Variants in PLEKHG7 observed in about 807,000 individuals in gnomAD.
The protein encoded by PLEKHG7 is pleckstrin homology and RhoGEF domain containing G7.
Under a neutral mutation model 85.2 loss-of-function variants are expected in PLEKHG7, and 77 were observed. The ratio of observed to expected loss-of-function variants is 0.90; its 90% CI spans 0.75 to 1.09. The LOEUF is 1.09. Ranked by LOEUF, PLEKHG7 falls within the 50% of genes least tolerant of loss-of-function variation. PLEKHG7 has a pLI of 0.00. For synonymous variants in PLEKHG7, 301 were observed against 302.4 expected (o/e 1.00, Z 0.05); for missense variants, 777 against 804.3 (o/e 0.97, Z 0.41).
intron 4 of PLEKHG7, among the ~76,000 whole-genome samples, chr12:92,730,764 T>C (rs964821609): frequency 2.0e-5 from 3 of 152,248 alleles, no homozygotes; most frequent in Admixed American, 6.5e-5. Flanking sequence ...TGATGCCGGC[T>C]ACAGTTTGAG....
Position 92,740,922 on chromosome 12 carries a change from T to C in PLEKHG7, c.1009T>C (p.Phe337Leu). ...CCTAGATGTGGATTTATGGAGACTTTTTGCAAACCTGGAGGAGTTAACTCA... is the reference window on the plus strand; with the variant it reads ...CCTAGATGTGGATTTATGGAGACTTCTTGCAAACCTGGAGGAGTTAACTCA... ...YLLDVDLWRL[F>L]ANLEELTQTS... is the part of the protein sequence containing the mutation. The change falls in exon 8 of 17, where the codon TTT (phenylalanine) becomes CTT (leucine). Residue 337 changes from phenylalanine (F) to leucine (L), a missense_variant. This residue lies in a region of PLEKHG7 where 520 missense variants were observed against 544.0 expected (regional missense o/e 0.96). Transcript: ENST00000344636. 1 of 1,612,044 alleles carries C rather than the reference T, an allele frequency of 6.2e-7. No individual in the cohort carries two copies. The highest frequency in any genetic ancestry group is 8.5e-7 in the Non-Finnish European group (1 of 1,178,608).
chr12:92,729,692 A>C (rs1005163490), intron 4 of PLEKHG7, among the ~76,000 whole-genome samples: 2 of 152,170 alleles, frequency 1.3e-5, no homozygotes, highest in Non-Finnish European at 2.9e-5. Context: ...AGGTAAATCA[A>C]AGCCTTTGAG....
chr12:92,745,883 C>T (rs558656027), intron 10 of PLEKHG7, among the ~76,000 whole-genome samples: 174 of 152,246 alleles, frequency 1.1e-3, no homozygotes, highest in African/African-American at 3.9e-3. Context: ...GAAATTGGTA[C>T]ATTGTAAGGA....
At chr12:92,717,050 G>A (rs1053092188) in intron 3 of PLEKHG7, among the ~76,000 whole-genome samples, 5 of 152,210 alleles carry the variant, frequency 3.3e-5, no homozygotes, top group African/African-American at 1.2e-4. Context: ...TGCTTTTGTG[G>A]ATAGGGAAAC....
intron 3 of PLEKHG7, 195 bp downstream of exon 3, chr12:92,707,867 T>C: frequency 1.2e-6 from 1 of 864,334 alleles, no homozygotes; most frequent in East Asian, 2.7e-5. Context: ...GAGCACAGCA[T>C]TTGGGGGCAG....
chr12:92,714,598 C>G (rs114568054), intron 3 of PLEKHG7, among the ~76,000 whole-genome samples: 2,110 of 152,282 alleles, frequency 0.014, 44 homozygotes, highest in African/African-American at 0.049. Flanking sequence ...TTTTGAGGCT[C>G]AGTGTCTGCT....
At chr12:92,703,937 G>A (rs1470997339) in intron 1 of PLEKHG7, among the ~76,000 whole-genome samples, 1 of 152,230 alleles carries the variant, frequency 6.6e-6, no homozygotes, top group Non-Finnish European at 1.5e-5. Context: ...CAGAAGGACA[G>A]AGGGGAAACC....
intron 3 of PLEKHG7, 140 bp downstream of exon 3, chr12:92,707,812 G>A: frequency 5.0e-6 from 7 of 1,413,360 alleles, no homozygotes; most frequent in South Asian, 1.2e-5. Context: ...GTCACTCTTC[G>A]CATTTATAGG....
chr12:92,728,970 T>TTC (rs1217476618), intron 3 of PLEKHG7, 23 bp from the exon 4 acceptor site: 1 of 1,230,474 alleles, frequency 8.1e-7, no homozygotes, highest in East Asian at 3.2e-5. Flanking sequence ...CGGTGTGGTT[T>TTC]TCCTTTTATC....
intron 3 of PLEKHG7, among the ~76,000 whole-genome samples, chr12:92,717,718 C>A (rs1040755069): frequency 3.3e-5 from 5 of 152,180 alleles, no homozygotes; most frequent in Non-Finnish European, 7.3e-5. Flanking sequence ...TGGGAACCCC[C>A]AGTGACACCT....
intron 3 of PLEKHG7, among the ~76,000 whole-genome samples, chr12:92,716,409 C>A (rs1477305018): frequency 2.0e-5 from 3 of 152,140 alleles, no homozygotes; most frequent in Non-Finnish European, 4.4e-5. Flanking sequence ...ATATATGTAA[C>A]CTGACAATGT....
chr12:92,722,402 C>G (rs1444562560), intron 3 of PLEKHG7, among the ~76,000 whole-genome samples: 1 of 152,174 alleles, frequency 6.6e-6, no homozygotes, highest in African/African-American at 2.4e-5. Context: ...TTTTTATTAA[C>G]TCATGCTGTC....
chr12:92,761,816 TA>T lies in PLEKHG7; in HGVS notation c.1703del (p.Lys568SerfsTer14), dbSNP rs1273864255. 7 of 1,577,112 alleles carry T rather than the reference TA, an allele frequency of 4.4e-6. No individual in the cohort carries two copies. The highest frequency in any genetic ancestry group is 5.1e-6 in the Non-Finnish European group (6 of 1,167,380). ...ATGATTTCCTCTTAGTTACGAAAACTAAGTGCAACAAAAAGGTAAAATGCTG... is the reference window on the plus strand; with the variant it reads ...ATGATTTCCTCTTAGTTACGAAAACTAGTGCAACAAAAAGGTAAAATGCTG... Reference protein sequence around the residue: ...FNDFLLVTKTKCNKKKLGGSD... With the variant: ...FNDFLLVTKTXCNKKKLGGSD... On this transcript the variant is annotated frameshift_variant, in exon 14 of 17. Coordinates refer to ENST00000344636, the MANE Select transcript of PLEKHG7 (RefSeq NM_001377329.1). LOFTEE classifies it high-confidence loss of function.
At chr12:92,705,014 T>A (rs73215788) in intron 1 of PLEKHG7, among the ~76,000 whole-genome samples, 36,612 of 152,182 alleles carry the variant, frequency 0.24, 5,324 homozygotes, top group Non-Finnish European at 0.33. Context: ...GGAATAGATC[T>A]AACAACCTAT....
rs568468492 is a variant in PLEKHG7 at position 92,709,435 on chromosome 12, T to C, written c.530+1763T>C. 2.0e-5 allele frequency among the ~76,000 whole-genome samples: 3 copies of C among 150,734 alleles called. No homozygotes were observed. The South Asian group carries it at 6.3e-4, about 32-fold the overall frequency. ...ATGAGTGGTTAGAGTGTAGGTCTTG[T>C]GTTCAGGTTTGGACATGTTGAGTTT... On this transcript the variant is annotated intron_variant, in intron 3 of 16. Coordinates refer to ENST00000344636, the MANE Select transcript of PLEKHG7 (RefSeq NM_001377329.1).
At chr12:92,744,482 A>G (rs951019858) in intron 9 of PLEKHG7, among the ~76,000 whole-genome samples, 10 of 152,186 alleles carry the variant, frequency 6.6e-5, no homozygotes, top group African/African-American at 2.2e-4. Flanking sequence ...ATATAAATTA[A>G]CAATTTGCCT....
At position 92,770,264 on chromosome 12, in the gene PLEKHG7, G is replaced by A. The variant is rs1873369751; in HGVS notation, c.*69G>A. The A allele has an allele frequency of 1.7e-6, 2 of 1,159,660 alleles. No individual in the cohort carries two copies. The allele number at this position is 1,159,660 out of a possible 1,614,324, so 71.8% of individuals were successfully genotyped here. The stretch of plus-strand genomic sequence containing the variant: ...AAGGTATAATTTCATTCAAAGTTTT[G>A]TAACACTTAGCTAGTGATAAGCTAG... On this transcript the variant is annotated 3_prime_UTR_variant, in exon 17 of 17. Transcript: ENST00000344636.
chr12:92,708,477 C>T (rs1045888764), intron 3 of PLEKHG7: 2 of 152,182 alleles, frequency 1.3e-5, no homozygotes, highest in Admixed American at 1.3e-4. Context: ...CTTACCAAGC[C>T]ATAGGGAAAT....
Position 92,764,789 on chromosome 12 carries a change from A to G in PLEKHG7, c.1870+595A>G, listed in dbSNP as rs1298171461. On this transcript the variant is annotated intron_variant, in intron 15 of 16. Transcript: ENST00000344636. ...CCCAGGAACTCAGCAGGCCCTACAG[A>G]TACAAAGATGAATAAGAAACAGCCG... Among the ~76,000 whole-genome samples the G allele has an allele frequency of 8.5e-5, 13 of 152,248 alleles. No homozygotes were observed. In the East Asian group the frequency reaches 2.3e-3, roughly 27 times the overall value.
Sources: gnomAD v4.1 joint callset for allele counts (sites outside exome capture counted in the v4.1 genomes callset) on GRCh38, gnomAD v4.1.1 for gene constraint, gnomAD v4.1.1 regional missense constraint, MANE v1.5 for transcripts, NCBI Gene and HGNC (gene_info 2026-07-23, HGNC 2026-07-21) for gene names.